IL2RB: variants seen among roughly 807,000 people sequenced by gnomAD.
IL2RB encodes interleukin 2 receptor subunit beta.
In IL2RB, 17 loss-of-function variants were observed where a neutral mutation model predicts 44.2. That is an observed-to-expected ratio of 0.38 (90% CI 0.26 to 0.58). The LOEUF (loss-of-function observed/expected upper bound fraction) is 0.58, where lower values mean the gene tolerates loss of function less well. IL2RB is among the 20% of genes least tolerant of loss of function. IL2RB has a pLI of 0.63. For missense variants in IL2RB, 624 were observed against 685.5 expected (o/e 0.91, Z 1.00); for synonymous variants, 286 against 297.9 (o/e 0.96, Z 0.41).
At chr22:37,173,524 C>G (rs1923356123) in intron 1 of IL2RB, among the ~76,000 whole-genome samples, 1 of 152,166 alleles carries the variant, frequency 6.6e-6, no homozygotes, top group South Asian at 2.1e-4. Context: ...AAGTGTCTAC[C>G]TTAAAATAAT....
chr22:37,136,465 A>ATCC (rs1601598362), intron 6 of IL2RB, 72 bp from the exon 7 acceptor site: 1 of 1,355,464 alleles, frequency 7.4e-7, no homozygotes, highest in African/African-American at 1.7e-5. Context: ...AGCATCACAG[A>ATCC]ACCCCCCCCC....
chr22:37,145,826 C>T (rs1197712206), intron 1 of IL2RB, among the ~76,000 whole-genome samples: 5 of 152,056 alleles, frequency 3.3e-5, no homozygotes, highest in African/African-American at 7.3e-5. Flanking sequence ...GGCTCCTGAG[C>T]GTTGGGCATT....
chr22:37,132,906 T>G (rs906753763), intron 8 of IL2RB, among the ~76,000 whole-genome samples: 1 of 151,938 alleles, frequency 6.6e-6, no homozygotes, highest in Non-Finnish European at 1.5e-5. Flanking sequence ...CCATGGATGG[T>G]GGTTCAGGTT....
chr22:37,151,037 G>A (rs778353609), upstream of IL2RB, among the ~76,000 whole-genome samples: 17 of 152,154 alleles, frequency 1.1e-4, no homozygotes, highest in Non-Finnish European at 2.2e-4. Context: ...AACAAATGTG[G>A]GAATGCAGAT....
At chr22:37,139,526 G>A (rs992402327) in intron 4 of IL2RB, among the ~76,000 whole-genome samples, 1 of 152,196 alleles carries the variant, frequency 6.6e-6, no homozygotes, top group Admixed American at 6.5e-5. Flanking sequence ...GCAGTGGGCT[G>A]GATATGGCCT....
intron 1 of IL2RB, among the ~76,000 whole-genome samples, chr22:37,155,525 C>T (rs1047009253): frequency 1.3e-5 from 2 of 152,216 alleles, no homozygotes; most frequent in Non-Finnish European, 2.9e-5. Flanking sequence ...TTTGTGCATG[C>T]TGAGCCTGCT....
intron 1 of IL2RB, among the ~76,000 whole-genome samples, chr22:37,163,914 T>C (rs1256679585): frequency 6.6e-6 from 1 of 152,204 alleles, no homozygotes; most frequent in Non-Finnish European, 1.5e-5. Flanking sequence ...GTGGAGCTGC[T>C]CTGTGAGAAA....
At position 37,136,491 on chromosome 22, in the gene IL2RB, C is replaced by T. The variant is rs1921711617; in HGVS notation, c.538-98G>A. On this transcript the variant is annotated intron_variant, in intron 6 of 9. Transcript: ENST00000216223. ...ACCCCCCCCCAACCCCTGCCAGCTG[C>T]ACCCCCACTTCCTTGCCACCCAAAG... 4 of 1,315,770 alleles carry T rather than the reference C, an allele frequency of 3.0e-6. No individual in the cohort carries two copies. The South Asian group carries it at 4.2e-5, about 14-fold the overall frequency. The allele number at this position is 1,315,770 out of a possible 1,614,324, so 81.5% of individuals were successfully genotyped here. A position where few individuals can be genotyped will look rare whatever the true frequency, so the allele number is the denominator to read the frequency against.
At chr22:37,142,354 A>G (rs1922008294) in intron 4 of IL2RB, 80 bp downstream of exon 4, 3 of 1,324,422 alleles carry the variant, frequency 2.3e-6, no homozygotes, top group Non-Finnish European at 1.1e-6. Flanking sequence ...TTCCCCTGGC[A>G]TCCGGCCCAC....
chr22:37,136,993 C>A (rs909261337), intron 6 of IL2RB, among the ~76,000 whole-genome samples: 3 of 152,128 alleles, frequency 2.0e-5, no homozygotes, highest in African/African-American at 7.2e-5. Flanking sequence ...AATTCCTTGC[C>A]CCGTTGGGTT....
At chr22:37,152,700 C>T (rs1235146905), upstream of IL2RB, among the ~76,000 whole-genome samples, 2 of 152,026 alleles carry the variant, frequency 1.3e-5, no homozygotes, top group East Asian at 1.9e-4. Flanking sequence ...CCTTCTCCCC[C>T]TTTTTTGGCG....
chr22:37,133,060 G>T (rs1921510341), intron 8 of IL2RB, among the ~76,000 whole-genome samples: 1 of 152,204 alleles, frequency 6.6e-6, no homozygotes, highest in Non-Finnish European at 1.5e-5. Flanking sequence ...CACCATTTTT[G>T]ATTTGCCCAA....
In IL2RB at chr22:37,145,656, G is replaced by C. The variant is rs3218267; in HGVS notation, c.-33-1451C>G. On this transcript the variant is annotated intron_variant, in intron 1 of 9. Transcript: ENST00000216223. ...GGAGAGGTGTTTGGAGCAGGCAAAG[G>C]GGGAGGCAGGGAGATGAGGAGGGAG... Among the ~76,000 whole-genome samples the C allele has an allele frequency of 2.3e-3, 349 of 152,118 alleles. 1 individual carries two copies. Among genetic ancestry groups the C allele is most frequent in the Middle Eastern group, 6.8e-3 (2 of 294 alleles).
intron 1 of IL2RB, among the ~76,000 whole-genome samples, chr22:37,167,346 C>A (rs1263604654): frequency 1.3e-5 from 2 of 152,168 alleles, no homozygotes; most frequent in Non-Finnish European, 2.9e-5. Flanking sequence ...TCTCGTCCCA[C>A]CATCTCTCTG....
rs965835532 is a variant in IL2RB, at chr22:37,141,154, C to T, written c.282+1280G>A. Among the ~76,000 whole-genome samples, 2 of 151,964 alleles carry T rather than the reference C, an allele frequency of 1.3e-5. No homozygotes were observed. Among genetic ancestry groups the T allele is most frequent in the African/African-American group, 4.8e-5 (2 of 41,384 alleles). On this transcript the variant is annotated intron_variant, in intron 4 of 9. Coordinates refer to ENST00000216223, the MANE Select transcript of IL2RB (RefSeq NM_000878.5). This position sits in a 1 kb window ranked among gnomAD's most constrained non-coding sequence, Gnocchi z 4.4. ...GTTGGGGGCTGGGATCAGGCAAGAG[C>T]CCCGCTCTCCTGGGCGCAGCTGCAG...
chr22:37,146,577 C>T (rs1360408784), intron 1 of IL2RB, among the ~76,000 whole-genome samples: 3 of 152,226 alleles, frequency 2.0e-5, no homozygotes, highest in Non-Finnish European at 2.9e-5. Flanking sequence ...CCATTTCAAA[C>T]GGGCCCTCAT....
At chr22:37,144,053 A>G in intron 2 of IL2RB, 32 bp downstream of exon 2, 1 of 1,551,520 alleles carries the variant, frequency 6.4e-7, no homozygotes, top group Non-Finnish European at 8.7e-7. Context: ...TCCATAGGGA[A>G]AGCAGAGCTG....
Position 37,128,456 on chromosome 22 carries a change from G to C in IL2RB, c.1296C>G (p.Pro432=). 1.3e-6 allele frequency: 2 copies of C among 1,570,772 alleles called. No individual in the cohort carries two copies. Among genetic ancestry groups the C allele is most frequent in the Non-Finnish European group, 1.7e-6 (2 of 1,155,448 alleles). ...PSRDDLLLFS[P]SLLGGPSPPS... is the part of the protein sequence containing the mutation. ...GGGGGCTGGGGCCACCGAGGAGACT[G>C]GGGGAGAAGAGCAGCAGGTCATCCC... The change falls in exon 10 of 10, where the codon CCC becomes CCG. Residue 432 remains proline, a synonymous_variant. Coordinates refer to ENST00000216223, the MANE Select transcript of IL2RB (RefSeq NM_000878.5). This position sits in a 1 kb window ranked among gnomAD's most constrained non-coding sequence, Gnocchi z 4.5.
intron 1 of IL2RB, among the ~76,000 whole-genome samples, chr22:37,145,013 C>G (rs1418683319): frequency 1.3e-5 from 2 of 152,198 alleles, no homozygotes; most frequent in Non-Finnish European, 2.9e-5. Context: ...TAAATATAGA[C>G]AGAGCTAAAG....
Sources: allele counts gnomAD v4.1 joint callset (sites outside exome capture counted in the v4.1 genomes callset), GRCh38; gene constraint gnomAD v4.1.1; non-coding constraint Gnocchi (gnomAD v3.1); transcripts MANE v1.5; gene names NCBI Gene and HGNC (gene_info 2026-07-23, HGNC 2026-07-21).